PIAS2: variants seen among roughly 807,000 people sequenced by gnomAD.
PIAS2 encodes the protein E3 SUMO-protein ligase PIAS2.
In PIAS2, 19 loss-of-function variants were observed where a neutral mutation model predicts 69.7. The ratio of observed to expected loss-of-function variants is 0.27; its 90% confidence interval spans 0.19 to 0.40. The LOEUF (loss-of-function observed/expected upper bound fraction) is 0.40. Among genes scored for constraint, PIAS2 ranks in the 10% least tolerant of loss-of-function variants. PIAS2 has a pLI of 1.00. For synonymous variants in PIAS2, 261 were observed against 263.2 expected (o/e 0.99, Z 0.08); for missense variants, 624 against 757.0 (o/e 0.82, Z 2.06).
chr18:46,920,029 A>G (rs548424533), upstream of PIAS2: 24 of 1,284,722 alleles, frequency 1.9e-5, no homozygotes, highest in East Asian at 1.3e-3. Context: ...AACAGTAAGA[A>G]AAGAAAAGCA....
intron 11 of PIAS2, 115 bp from the exon 12 acceptor site, chr18:46,821,187 T>C (rs2042133885): frequency 3.1e-6 from 3 of 955,050 alleles, no homozygotes; most frequent in Admixed American, 1.9e-5. Flanking sequence ...CACAACTATA[T>C]GGCAGCTACT....
intron 1 of PIAS2, among the ~76,000 whole-genome samples, chr18:46,895,161 T>C (rs1271969605): frequency 1.3e-5 from 2 of 152,048 alleles, no homozygotes; most frequent in African/African-American, 2.4e-5. Context: ...TCCCTGAGAT[T>C]GCTCTTCAAT....
rs2040675908 is a variant in PIAS2 at position 46,806,208 on chromosome 18, C to T, written c.*6225G>A. ...TTTGGGGTAAGTCTAGGTCAGACTC[C>T]CAAGTCCACTACTCATTCACTGTGA... is the stretch of plus-strand genomic sequence containing the variant. On this transcript the variant is annotated 3_prime_UTR_variant, in exon 14 of 14. Coordinates refer to ENST00000585916, the MANE Select transcript of PIAS2 (RefSeq NM_004671.5). 6.6e-6 allele frequency: 1 copy of T among 152,028 alleles called. No homozygotes were observed. The highest frequency in any genetic ancestry group is 6.6e-5 in the Admixed American group (1 of 15,260). 9.4% of individuals were successfully genotyped at this position (152,028 alleles called of 1,614,324 possible).
intron 5 of PIAS2, among the ~76,000 whole-genome samples, chr18:46,848,387 C>T (rs2046456044): frequency 6.6e-6 from 1 of 152,142 alleles, no homozygotes; most frequent in East Asian, 1.9e-4. Flanking sequence ...TAACCAGTCA[C>T]GCCATGCCAA....
In PIAS2 at chr18:46,805,655, G is replaced by A. The variant is rs1235706222; in HGVS notation, c.*6778C>T. On this transcript the variant is annotated 3_prime_UTR_variant, in exon 14 of 14. Transcript: ENST00000585916. ...CTCAGGTGGCAGCCAAATTTGTAAT[G>A]GGCAAGGCAGTGAAGAGAAAAATCA... is the stretch of plus-strand genomic sequence containing the variant. 6.6e-6 allele frequency: 1 copy of A among 152,396 alleles called. No homozygotes were observed. Among genetic ancestry groups the A allele is most frequent in the Non-Finnish European group, 1.5e-5 (1 of 68,240 alleles). 9.4% of individuals were successfully genotyped at this position (152,396 alleles called of 1,614,324 possible).
intron 10 of PIAS2, 24 bp from the exon 11 acceptor site, chr18:46,828,154 A>G (rs770250795): frequency 1.9e-6 from 3 of 1,576,040 alleles, no homozygotes; most frequent in Non-Finnish European, 2.6e-6. Flanking sequence ...AACAAAAGGA[A>G]AAAAAAATTA....
Position 46,804,189 on chromosome 18 carries a change from A to G in PIAS2, c.*8244T>C, listed in dbSNP as rs2040588215. 1 of 152,158 alleles carries G rather than the reference A, an allele frequency of 6.6e-6. No individual in the cohort carries two copies. The highest frequency in any genetic ancestry group is 6.5e-5 in the Admixed American group (1 of 15,274). The allele number at this position is 152,158 out of a possible 1,614,324, so 9.4% of individuals were successfully genotyped here. On this transcript the variant is annotated 3_prime_UTR_variant, in exon 14 of 14. Transcript: ENST00000585916. ...TTAGGCTCTGGGATGCAAGTGAAAA[A>G]AGTTATCACCTCTGCCCTCATGGAG... is the stretch of plus-strand genomic sequence containing the variant.
At position 46,810,784 on chromosome 18, in the gene PIAS2, A is replaced by AGTAG. The variant is rs2040948378; in HGVS notation, c.*1648_*1649insCTAC. The AGTAG allele has an allele frequency of 6.6e-6, 1 of 151,346 alleles. No homozygotes were observed. The highest frequency in any genetic ancestry group is 1.5e-5 in the Non-Finnish European group (1 of 67,894). 9.4% of individuals were successfully genotyped at this position (151,346 alleles called of 1,614,324 possible). A position where few individuals can be genotyped will look rare whatever the true frequency, so the allele number is the denominator to read the frequency against. On this transcript the variant is annotated 3_prime_UTR_variant, in exon 14 of 14. Coordinates refer to ENST00000585916, the MANE Select transcript of PIAS2 (RefSeq NM_004671.5). ...AAGCAAGGACAAGTCAGCTCCTTGG[A>AGTAG]GCTGCACCAACTCTTAAGTAGGATG...
chr18:46,882,963 G>A (rs1427076948), intron 2 of PIAS2, among the ~76,000 whole-genome samples: 2 of 151,878 alleles, frequency 1.3e-5, no homozygotes, highest in African/African-American at 4.8e-5. Flanking sequence ...CTGGTGGCGG[G>A]TGCCTAGAAT....
chr18:46,824,853 A>AC (rs2144867147), intron 11 of PIAS2, among the ~76,000 whole-genome samples: 1 of 150,676 alleles, frequency 6.6e-6, no homozygotes, highest in East Asian at 2.0e-4. Context: ...AAAAAAAAAA[A>AC]CACAAAAAAA....
chr18:46,863,043 C>T (rs1450847761), intron 3 of PIAS2, among the ~76,000 whole-genome samples: 2 of 152,040 alleles, frequency 1.3e-5, no homozygotes. Flanking sequence ...TTAAATGCTA[C>T]AGATTTCCTT....
intron 5 of PIAS2, among the ~76,000 whole-genome samples, chr18:46,847,193 T>A (rs923215380): frequency 6.6e-6 from 1 of 151,898 alleles, no homozygotes; most frequent in Non-Finnish European, 1.5e-5. Context: ...TCCTTAGCAG[T>A]CCCCATTCAA....
At chr18:46,878,604 C>T (rs2051647058) in intron 2 of PIAS2, among the ~76,000 whole-genome samples, 1 of 152,192 alleles carries the variant, frequency 6.6e-6, no homozygotes, top group Non-Finnish European at 1.5e-5. Flanking sequence ...TGCAGTGGGT[C>T]ACTCCTGTAA....
intron 2 of PIAS2, among the ~76,000 whole-genome samples, chr18:46,869,617 G>A (rs556278268): frequency 2.0e-5 from 3 of 152,164 alleles, no homozygotes; most frequent in African/African-American, 7.2e-5. Context: ...TAAAGCTAGT[G>A]ATGATAACAA....
At chr18:46,854,370 G>A (rs1461509089) in intron 5 of PIAS2, among the ~76,000 whole-genome samples, 2 of 152,202 alleles carry the variant, frequency 1.3e-5, no homozygotes, top group Non-Finnish European at 2.9e-5. Flanking sequence ...CTGGTGAAAT[G>A]ACAACTGGGC....
chr18:46,887,098 A>G (rs955923675), intron 2 of PIAS2, among the ~76,000 whole-genome samples: 3 of 152,226 alleles, frequency 2.0e-5, no homozygotes, highest in Non-Finnish European at 4.4e-5. Context: ...ACTTGATCCA[A>G]TAATTCTACT....
chr18:46,827,749 C>T (rs573167589), intron 11 of PIAS2: 33 of 464,218 alleles, frequency 7.1e-5, no homozygotes, highest in Admixed American at 1.4e-4. Context: ...AAATACCTCA[C>T]ACGCTCACTT....
chr18:46,829,474 C>T (rs776345139), intron 10 of PIAS2, among the ~76,000 whole-genome samples: 15 of 152,152 alleles, frequency 9.9e-5, no homozygotes, highest in Middle Eastern at 3.2e-3. Context: ...TTGTAACAAA[C>T]ATCATATTTT....
intron 8 of PIAS2, among the ~76,000 whole-genome samples, chr18:46,837,915 ACTAG>A (rs1263258802): frequency 6.6e-6 from 1 of 152,214 alleles, no homozygotes; most frequent in Non-Finnish European, 1.5e-5. Flanking sequence ...CTAGCACAAT[ACTAG>A]CTGACAGTAT....
Sources: gnomAD v4.1 joint callset for allele counts (sites outside exome capture counted in the v4.1 genomes callset) on GRCh38, gnomAD v4.1.1 for gene constraint, MANE v1.5 for transcripts, NCBI Gene and HGNC (gene_info 2026-07-23, HGNC 2026-07-21) for gene names.